The following CDK13 variants were observed in gnomAD, a reference collection of about 807,000 sequenced individuals.
CDK13 encodes cyclin dependent kinase 13, also known as cyclin-dependent kinase 13.
Under a neutral mutation model 137.6 loss-of-function variants are expected in CDK13, and 40 were observed. The observed-to-expected ratio is 0.29, with a 90% CI of 0.23 to 0.38. CDK13 has a LOEUF of 0.38. Among genes scored for constraint, CDK13 ranks in the 10% least tolerant of loss-of-function variants. The pLI is 1.00. For synonymous variants in CDK13, 869 were observed against 760.1 expected, an observed-to-expected ratio of 1.14 and a Z score of -2.36; for missense variants, 1,704 against 1,951.8, an observed-to-expected ratio of 0.87 and a Z score of 2.39.
intron 5 of CDK13, among the ~76,000 whole-genome samples, chr7:40,005,415 A>C (rs1369970231): frequency 6.6e-6 from 1 of 151,354 alleles, no homozygotes; most frequent in Non-Finnish European, 1.5e-5. Context: ...TCAGCCTTCC[A>C]AGTAGCCAGC....
chr7:40,036,639 A>G (rs1357821050), intron 5 of CDK13, among the ~76,000 whole-genome samples: 1 of 152,002 alleles, frequency 6.6e-6, no homozygotes, highest in Admixed American at 6.6e-5. Flanking sequence ...AATGAACCCC[A>G]GTGTCCCCAT....
intron 5 of CDK13, among the ~76,000 whole-genome samples, chr7:40,004,002 C>T (rs557535806): frequency 2.0e-5 from 3 of 152,302 alleles, no homozygotes; most frequent in Non-Finnish European, 4.4e-5. Flanking sequence ...TTACTTGTTT[C>T]TGTACAGATA....
intron 5 of CDK13, among the ~76,000 whole-genome samples, chr7:40,021,153 A>ACACACACACACACAC (rs781461656): frequency 4.0e-5 from 6 of 151,146 alleles, no homozygotes; most frequent in Admixed American, 6.6e-5. Flanking sequence ...ACACACACAT[A>ACACACACACACACAC]AAGTTTTAAG....
chr7:40,030,629 C>T (rs1342005845), intron 5 of CDK13, among the ~76,000 whole-genome samples: 2 of 151,726 alleles, frequency 1.3e-5, no homozygotes, highest in East Asian at 3.9e-4. Flanking sequence ...CAACTTCTGA[C>T]CTCAAGTGAT....
intron 12 of CDK13, among the ~76,000 whole-genome samples, chr7:40,091,067 C>T (rs568048091): frequency 2.0e-5 from 3 of 151,274 alleles, no homozygotes; most frequent in East Asian, 3.9e-4. Context: ...AACAACTGGC[C>T]GGGCATGGTG....
chr7:40,072,781 C>A (rs1439617906), intron 9 of CDK13: 1 of 152,134 alleles, frequency 6.6e-6, no homozygotes, highest in Non-Finnish European at 1.5e-5. Context: ...AATAATAGTA[C>A]TTTTATTAGG....
intron 5 of CDK13, among the ~76,000 whole-genome samples, chr7:40,014,210 A>T (rs1317847255): frequency 1.3e-5 from 2 of 151,352 alleles, no homozygotes; most frequent in African/African-American, 2.4e-5. Context: ...CTGAGACTAC[A>T]GGCAAGTGCT....
intron 1 of CDK13, among the ~76,000 whole-genome samples, chr7:39,982,594 G>C (rs1046970659): frequency 5.3e-5 from 8 of 152,172 alleles, no homozygotes; most frequent in African/African-American, 1.9e-4. Context: ...TCGCCACACT[G>C]ACTTCCACAA....
At chr7:40,016,427 GA>G (rs1785006623) in intron 5 of CDK13, among the ~76,000 whole-genome samples, 1 of 152,106 alleles carries the variant, frequency 6.6e-6, no homozygotes, top group Non-Finnish European at 1.5e-5. Flanking sequence ...ATATGTACTA[GA>G]TGTCACTGTT....
intron 9 of CDK13, among the ~76,000 whole-genome samples, chr7:40,064,284 CAAA>C (rs1388646828): frequency 5.0e-5 from 3 of 59,766 alleles, no homozygotes; most frequent in Non-Finnish European, 4.3e-5. Flanking sequence ...AATTATGTCT[CAAA>C]AAAAAAAAAA....
chr7:40,046,153 G>C, intron 6 of CDK13, 128 bp downstream of exon 6: 1 of 600,678 alleles, frequency 1.7e-6, no homozygotes, highest in Non-Finnish European at 2.9e-6. Flanking sequence ...TACCTATTAG[G>C]TACAGTGTCC....
intron 5 of CDK13, among the ~76,000 whole-genome samples, chr7:40,003,206 A>ACACTCTCTCTCTCTCTCTCT (rs374470130): frequency 1.6e-4 from 13 of 79,898 alleles, no homozygotes; most frequent in African/African-American, 5.7e-4. Flanking sequence ...ACACACACAC[A>ACACTCTCTCTCTCTCTCTCT]CTCTCTCTCT....
intron 9 of CDK13, among the ~76,000 whole-genome samples, chr7:40,074,441 T>C (rs909444936): frequency 2.0e-5 from 3 of 146,688 alleles, no homozygotes; most frequent in Non-Finnish European, 4.4e-5. Context: ...GAGAATGGCA[T>C]GAACCTGGGA....
intron 2 of CDK13, among the ~76,000 whole-genome samples, chr7:39,992,147 T>C (rs553191374): frequency 2.1e-5 from 3 of 144,768 alleles, no homozygotes; most frequent in African/African-American, 7.6e-5. Context: ...TCTAGTTGTT[T>C]AAGAGAACTA....
chr7:39,968,747 C>G (rs1020275331), intron 1 of CDK13, among the ~76,000 whole-genome samples: 1 of 152,126 alleles, frequency 6.6e-6, no homozygotes, highest in African/African-American at 2.4e-5. Context: ...ATACCTCCAG[C>G]CTTGTTCTTT....
intron 1 of CDK13, among the ~76,000 whole-genome samples, chr7:39,962,981 A>G (rs1217968173): frequency 6.6e-6 from 1 of 152,130 alleles, no homozygotes; most frequent in Non-Finnish European, 1.5e-5. Flanking sequence ...CCATTGGTCT[A>G]TATCTCTGTT....
intron 11 of CDK13, chr7:40,085,825 C>G (rs1052338194): frequency 2.0e-5 from 3 of 152,440 alleles, no homozygotes; most frequent in African/African-American, 7.2e-5. Context: ...CATCATTGGT[C>G]CATGCATGGC....
chr7:40,047,578 A>T (rs923999267), intron 6 of CDK13, among the ~76,000 whole-genome samples: 3 of 151,912 alleles, frequency 2.0e-5, no homozygotes, highest in African/African-American at 7.2e-5. Context: ...TAATACAGTA[A>T]TTATAATAAT....
chr7:40,068,600 A>C lies in CDK13; in HGVS notation c.2780+5500A>C, dbSNP rs1053947033. Among the ~76,000 whole-genome samples, 7 of 150,062 alleles carry C rather than the reference A, an allele frequency of 4.7e-5. No individual in the cohort carries two copies. The East Asian group carries it at 1.4e-3, about 31-fold the overall frequency. On this transcript the variant is annotated intron_variant, in intron 9 of 13. Coordinates refer to ENST00000181839, the MANE Select transcript of CDK13 (RefSeq NM_003718.5). ...TCCCAGCTACTTGGAAGGCTGAGGCAGGAACATCCTGCCTCAGGTAGCTTG... is the reference window on the plus strand; with the variant it reads ...TCCCAGCTACTTGGAAGGCTGAGGCCGGAACATCCTGCCTCAGGTAGCTTG...
Sources: allele counts gnomAD v4.1 joint callset (sites outside exome capture counted in the v4.1 genomes callset), GRCh38; gene constraint gnomAD v4.1.1; transcripts MANE v1.5; gene names NCBI Gene and HGNC (gene_info 2026-07-23, HGNC 2026-07-21).